The following HEATR4 variants were observed in gnomAD, a reference collection of about 807,000 sequenced individuals.
The protein encoded by HEATR4 is HEAT repeat-containing protein 4.
Under a neutral mutation model 108.8 loss-of-function variants are expected in HEATR4, and 95 were observed. The observed-to-expected ratio is 0.87, with a 90% CI of 0.74 to 1.04. HEATR4 has a LOEUF of 1.04. HEATR4 is among the 50% of genes least tolerant of loss of function. The pLI is 0.00. For missense variants in HEATR4, 1,152 were observed against 1,253.8 expected, an observed-to-expected ratio of 0.92 and a Z score of 1.23; for synonymous variants, 443 against 459.4, an observed-to-expected ratio of 0.96 and a Z score of 0.46.
the HEATR4 span, chr14:73,581,607 T>A: frequency 4.0e-5 from 5 of 124,364 alleles, no homozygotes; most frequent in Admixed American, 2.8e-4. Context: ...GAGCTAATCA[T>A]TATTTAATGT....
At chr14:73,589,446 G>A in the HEATR4 span, among the ~76,000 whole-genome samples, 1 of 151,868 alleles carries the variant, frequency 6.6e-6, no homozygotes, top group Non-Finnish European at 1.5e-5. Context: ...CAGCCTCCCA[G>A]GTAGCTGAGA....
rs553420482 is a variant in HEATR4 at position 73,529,465 on chromosome 14, A to G, written c.-73+701T>C. Among the ~76,000 whole-genome samples, 3 of 152,178 alleles carry G rather than the reference A, an allele frequency of 2.0e-5. No individual in the cohort carries two copies. In the East Asian group the frequency reaches 5.8e-4, roughly 29 times the overall value. On this transcript the variant is annotated intron_variant, in intron 2 of 17. Coordinates refer to ENST00000553558, the MANE Select transcript of HEATR4 (RefSeq NM_001220484.1). The stretch of plus-strand genomic sequence containing the variant: ...TGCATTTCTAGGAACTTGGGCTAGA[A>G]GGGGAGGAATGGGGTTGGAAGGGTT...
At chr14:73,597,591 C>CTTTTTTTTTTTTTTTTTTTTTTTTTT in the HEATR4 span, among the ~76,000 whole-genome samples, 1 of 98,202 alleles carries the variant, frequency 1.0e-5, no homozygotes, top group Non-Finnish European at 2.0e-5. Flanking sequence ...TTTTTCTTTT[C>CTTTTTTTTTTTTTTTTTTTTTTTTTT]TTTTTTTTTT....
the HEATR4 span, among the ~76,000 whole-genome samples, chr14:73,583,618 C>A: frequency 1.7e-3 from 259 of 152,170 alleles, 2 homozygotes; most frequent in African/African-American, 5.8e-3. Flanking sequence ...GTGAGACAAT[C>A]TCCTGATGAT....
intron 17 of HEATR4, chr14:73,491,730 A>G (rs753821749): frequency 6.4e-7 from 1 of 1,552,674 alleles, no homozygotes; most frequent in South Asian, 1.2e-5. Flanking sequence ...CACACCTACT[A>G]CCAGGGACTT....
At position 73,506,554 on chromosome 14, in the gene HEATR4, C is replaced by G. The variant is rs749971982; in HGVS notation, c.1899G>C (p.Met633Ile). The part of the protein sequence containing the change: ...LSEKTTLIHT[M>I]LAVELNSCQW... ...GACAGCTGTTCAGCTCCACAGCAAG[C>G]ATGGTGTGTATCAGGGTCTGAGGAA... Residue 633 changes from methionine to isoleucine, a missense_variant, in exon 10 of 18, where the codon ATG becomes ATC. Transcript: ENST00000553558. 2 of 1,613,362 alleles carry G rather than the reference C, an allele frequency of 1.2e-6. No homozygotes were observed. Among genetic ancestry groups the G allele is most frequent in the South Asian group, 2.2e-5 (2 of 91,082 alleles).
intron 17 of HEATR4, among the ~76,000 whole-genome samples, chr14:73,481,610 C>T (rs1041654074): frequency 3.3e-5 from 5 of 151,252 alleles, no homozygotes; most frequent in Admixed American, 6.6e-5. Flanking sequence ...GGGAGGCCGA[C>T]GCGGGCGGAT....
rs1162951271 is a variant in HEATR4 at position 73,537,689 on chromosome 14, T to C, written c.-151-7445A>G. Reference sequence around the variant, plus strand: ...CTGGGCCTTGGAGCCCGAGAAACCCTTGGTGCGGCTGGTGAAGCGCGACGT... The same window carrying C: ...CTGGGCCTTGGAGCCCGAGAAACCCCTGGTGCGGCTGGTGAAGCGCGACGT... On this transcript the variant is annotated intron_variant, in intron 1 of 17. Coordinates refer to ENST00000553558, the MANE Select transcript of HEATR4 (RefSeq NM_001220484.1). 2.3e-5 allele frequency: 29 copies of C among 1,247,964 alleles called. 9 individuals carry two copies. Among genetic ancestry groups the C allele is most frequent in the Non-Finnish European group, 3.1e-5 (29 of 940,454 alleles). The allele number at this position is 1,247,964 out of a possible 1,614,324, so 77.3% of individuals were successfully genotyped here.
intron 5 of HEATR4, among the ~76,000 whole-genome samples, chr14:73,515,543 G>C (rs1052269256): frequency 6.6e-6 from 1 of 151,792 alleles, no homozygotes; most frequent in Non-Finnish European, 1.5e-5. Context: ...TGCTAGGCGT[G>C]GTGGTGGGCG....
the HEATR4 span, among the ~76,000 whole-genome samples, chr14:73,624,191 C>T: frequency 4.0e-5 from 6 of 151,890 alleles, no homozygotes; most frequent in Admixed American, 6.6e-5. Context: ...GGTGCAATCT[C>T]GGCTCACTGC....
chr14:73,607,093 C>T, the HEATR4 span, among the ~76,000 whole-genome samples: 1,112 of 152,206 alleles, frequency 7.3e-3, 24 homozygotes, highest in East Asian at 0.042. Context: ...GGGTGGATCA[C>T]GAAGCCAGGA....
chr14:73,509,848 ATATATATATATATATATATATT>A lies in HEATR4; in HGVS notation c.1559-397_1559-376del, dbSNP rs1566832246. Among the ~76,000 whole-genome samples, 143 of 69,326 alleles carry A rather than the reference ATATATATATATATATATATATT, an allele frequency of 2.1e-3. 3 individuals are homozygous for A. Among genetic ancestry groups the A allele is most frequent in the African/African-American group, 7.5e-3 (128 of 17,062 alleles). The allele number at this position is 69,326 out of a possible 152,430, so 45.5% of individuals were successfully genotyped here. A position where few individuals can be genotyped will look rare whatever the true frequency, so the allele number is the denominator to read the frequency against. On this transcript the variant is annotated intron_variant, in intron 7 of 17. Coordinates refer to ENST00000553558, the MANE Select transcript of HEATR4 (RefSeq NM_001220484.1). ...TATATATATATATATATATATATAT[ATATATATATATATATATATATT>A]TATTTATTTTATATATTTTTTGAGA...
At chr14:73,600,698 G>A in the HEATR4 span, among the ~76,000 whole-genome samples, 2 of 151,794 alleles carry the variant, frequency 1.3e-5, no homozygotes. Context: ...TGATCCACCT[G>A]CCTAGGCCTC....
the HEATR4 span, chr14:73,575,627 C>T: frequency 6.5e-7 from 1 of 1,549,678 alleles, no homozygotes; most frequent in Non-Finnish European, 8.7e-7. Context: ...AGTTTTTTCC[C>T]CTCATTATTA....
chr14:73,633,623 G>A, the HEATR4 span: 1 of 152,252 alleles, frequency 6.6e-6, no homozygotes, highest in Admixed American at 6.5e-5. Context: ...CTGGTGGCCA[G>A]TGAGGAAATT....
At chr14:73,626,146 C>A in the HEATR4 span, among the ~76,000 whole-genome samples, 1 of 152,232 alleles carries the variant, frequency 6.6e-6, no homozygotes, top group Non-Finnish European at 1.5e-5. Flanking sequence ...CTAGCCACAA[C>A]ATTCCCTTAA....
the HEATR4 span, among the ~76,000 whole-genome samples, chr14:73,623,773 C>A: frequency 6.6e-6 from 1 of 152,084 alleles, no homozygotes; most frequent in Non-Finnish European, 1.5e-5. Context: ...TGTCTTGGTG[C>A]AGTCCTCTCT....
At chr14:73,623,253 A>G in the HEATR4 span, among the ~76,000 whole-genome samples, 4 of 152,206 alleles carry the variant, frequency 2.6e-5, no homozygotes, top group African/African-American at 9.6e-5. Flanking sequence ...TTAGTTACAC[A>G]AAATTTACAA....
the HEATR4 span, chr14:73,595,415 C>T: frequency 7.4e-6 from 12 of 1,614,120 alleles, no homozygotes; most frequent in Non-Finnish European, 1.0e-5. Context: ...TGAACGGTTA[C>T]AGGCCCATGG....
Sources: gnomAD v4.1 joint callset for allele counts (sites outside exome capture counted in the v4.1 genomes callset) on GRCh38, gnomAD v4.1.1 for gene constraint, MANE v1.5 for transcripts, NCBI Gene and HGNC (gene_info 2026-07-23, HGNC 2026-07-21) for gene names.